Variants in GPHN observed in about 807,000 individuals in gnomAD.
GPHN encodes gephyrin.
A neutral mutation model predicts 95.5 loss-of-function variants in GPHN; 17 were observed. The observed-to-expected ratio is 0.18, with a 90% CI of 0.12 to 0.27. The LOEUF (loss-of-function observed/expected upper bound fraction) is 0.27, where lower values mean the gene tolerates loss of function less well. Ranked by LOEUF, GPHN falls within the 10% of genes least tolerant of loss-of-function variation. GPHN has a pLI of 1.00. For missense variants in GPHN, 660 were observed against 978.1 expected, an observed-to-expected ratio of 0.67 and a Z score of 4.34; for synonymous variants, 320 against 322.5, an observed-to-expected ratio of 0.99 and a Z score of 0.08.
the GPHN span, chr14:67,587,182 C>A: frequency 1.2e-6 from 2 of 1,613,712 alleles, no homozygotes; most frequent in Non-Finnish European, 1.7e-6. Context: ...ACTGGATGGA[C>A]GACAGTTCTT....
At chr14:67,592,351 G>A in the GPHN span, 2 of 448,454 alleles carry the variant, frequency 4.5e-6, no homozygotes, top group Admixed American at 3.5e-5. Context: ...GAGGCAGGAG[G>A]ATTTCTTGAG....
chr14:67,719,467 AT>A, the GPHN span, among the ~76,000 whole-genome samples: 1 of 151,884 alleles, frequency 6.6e-6, no homozygotes, highest in East Asian at 1.9e-4. Flanking sequence ...TGAAAAGTTT[AT>A]TTATTTTTTC....
intron 17 of GPHN, among the ~76,000 whole-genome samples, chr14:67,136,207 A>G (rs1318271779): frequency 6.6e-6 from 1 of 152,024 alleles, no homozygotes; most frequent in African/African-American, 2.4e-5. Context: ...AGTTCGATTC[A>G]CCCTAAGGGT....
At chr14:66,763,713 T>G (rs1028440295) in intron 2 of GPHN, among the ~76,000 whole-genome samples, 2 of 151,112 alleles carry the variant, frequency 1.3e-5, no homozygotes, top group African/African-American at 4.9e-5. Flanking sequence ...TCAAGCAGGG[T>G]TCCCCAAACC....
chr14:66,544,915 A>C (rs1298680719), intron 1 of GPHN, among the ~76,000 whole-genome samples: 1 of 152,154 alleles, frequency 6.6e-6, no homozygotes, highest in Non-Finnish European at 1.5e-5. Context: ...GTAAGGTCAC[A>C]GATCAACAGG....
chr14:67,209,819 G>GAAAAA, the GPHN span, among the ~76,000 whole-genome samples: 7 of 76,848 alleles, frequency 9.1e-5, no homozygotes, highest in Admixed American at 3.2e-4. Context: ...CTCCATCTCG[G>GAAAAA]AAAAAAAAAA....
intron 1 of GPHN, among the ~76,000 whole-genome samples, chr14:66,535,329 T>C (rs1418680493): frequency 6.6e-6 from 1 of 152,186 alleles, no homozygotes; most frequent in African/African-American, 2.4e-5. Flanking sequence ...ACTGGTCTAT[T>C]TATGTACAAA....
intron 5 of GPHN, among the ~76,000 whole-genome samples, chr14:66,904,444 A>G (rs745610790): frequency 1.1e-4 from 17 of 152,112 alleles, no homozygotes; most frequent in Non-Finnish European, 4.4e-5. Flanking sequence ...GTTTTTACAG[A>G]GCACTGATTG....
At chr14:66,884,176 A>G (rs1303969793) in intron 5 of GPHN, among the ~76,000 whole-genome samples, 3 of 152,072 alleles carry the variant, frequency 2.0e-5, no homozygotes, top group Non-Finnish European at 4.4e-5. Context: ...CCAAAGAGAT[A>G]GGTAGGTCTT....
At chr14:66,967,793 T>C (rs1241186667) in intron 9 of GPHN, among the ~76,000 whole-genome samples, 1 of 151,818 alleles carries the variant, frequency 6.6e-6, no homozygotes, top group Non-Finnish European at 1.5e-5. Flanking sequence ...TAGTAGAAAA[T>C]AATAGCAGGG....
the GPHN span, among the ~76,000 whole-genome samples, chr14:67,730,649 G>A: frequency 6.6e-6 from 1 of 152,074 alleles, no homozygotes; most frequent in East Asian, 1.9e-4. Context: ...TGTCACTCAG[G>A]CTGGAGGGCA....
rs551457361 is a variant in GPHN, at chr14:67,008,890, G to A, written c.964-14743G>A. 2.6e-5 allele frequency among the ~76,000 whole-genome samples: 4 copies of A among 152,154 alleles called. No homozygotes were observed. In the East Asian group the frequency reaches 7.7e-4, roughly 29 times the overall value. ...CTATACCTTTTGATTACTGCCTATT[G>A]ACTTAAAAGACAGTTCCAGATCAGG... On this transcript the variant is annotated intron_variant, in intron 9 of 22. Coordinates refer to ENST00000478722, the MANE Select transcript of GPHN (RefSeq NM_020806.5).
the GPHN span, among the ~76,000 whole-genome samples, chr14:67,458,403 G>A: frequency 1.3e-5 from 2 of 152,156 alleles, no homozygotes; most frequent in African/African-American, 2.4e-5. Flanking sequence ...TGCCAGACCC[G>A]CAGCGTGCCG....
chr14:66,848,042 T>C (rs1053970672), intron 4 of GPHN, among the ~76,000 whole-genome samples: 8 of 152,086 alleles, frequency 5.3e-5, no homozygotes, highest in South Asian at 4.1e-4. Flanking sequence ...TCAAAATCAA[T>C]ACCTGAAAAG....
At chr14:67,148,543 T>G (rs1160775680) in intron 18 of GPHN, among the ~76,000 whole-genome samples, 1 of 151,244 alleles carries the variant, frequency 6.6e-6, no homozygotes, top group Non-Finnish European at 1.5e-5. Context: ...CATAATAATT[T>G]TAAGACTTTA....
At chr14:66,931,302 CTTGATTA>C (rs890452579) in intron 8 of GPHN, among the ~76,000 whole-genome samples, 1 of 152,038 alleles carries the variant, frequency 6.6e-6, no homozygotes. Flanking sequence ...TCTTTGGGAG[CTTGATTA>C]TTAAGTGTCT....
chr14:67,305,684 C>G, the GPHN span, among the ~76,000 whole-genome samples: 2 of 152,172 alleles, frequency 1.3e-5, no homozygotes, highest in African/African-American at 4.8e-5. Context: ...CGAAGTGTTA[C>G]ATTGAAACTT....
At chr14:66,905,246 T>C (rs1447780188) in intron 5 of GPHN, among the ~76,000 whole-genome samples, 1 of 152,158 alleles carries the variant, frequency 6.6e-6, no homozygotes, top group Non-Finnish European at 1.5e-5. Context: ...AACAAATATA[T>C]ATCTCAGTTC....
chr14:67,056,970 C>A (rs1260839589), intron 10 of GPHN, among the ~76,000 whole-genome samples: 3 of 152,202 alleles, frequency 2.0e-5, no homozygotes, highest in Non-Finnish European at 4.4e-5. Context: ...GGCTAAGCCC[C>A]TCACTGCAGG....
Sources: allele counts gnomAD v4.1 joint callset (sites outside exome capture counted in the v4.1 genomes callset), GRCh38; gene constraint gnomAD v4.1.1; transcripts MANE v1.5; gene names NCBI Gene and HGNC (gene_info 2026-07-23, HGNC 2026-07-21).